The following PCDHA1 variants were observed in gnomAD, a reference collection of about 807,000 sequenced individuals.
PCDHA1 encodes the protein protocadherin alpha-1.
PCDHA1 carries 42 observed loss-of-function variants against 61.3 expected under a neutral mutation model. The observed-to-expected ratio is 0.69, with a 90% CI of 0.54 to 0.89. The LOEUF is 0.89. Ranked by LOEUF, PCDHA1 falls within the 40% of genes least tolerant of loss-of-function variation. The pLI, the probability that PCDHA1 is intolerant of heterozygous loss-of-function variation, is 0.00. For missense variants in PCDHA1, 1,256 were observed against 1,235.3 expected (o/e 1.02, Z -0.25); for synonymous variants, 610 against 553.8 (o/e 1.10, Z -1.43).
At chr5:140,967,166 G>T (rs563863114) in intron 1 of PCDHA1, 1 of 1,611,394 alleles carries the variant, frequency 6.2e-7, no homozygotes, top group South Asian at 1.1e-5. Context: ...GGTGAGCGCC[G>T]TTGAGGTGGA....
chr5:140,845,916 T>G (rs1288140729), intron 1 of PCDHA1, among the ~76,000 whole-genome samples: 2 of 149,722 alleles, frequency 1.3e-5, no homozygotes, highest in African/African-American at 4.9e-5. Context: ...ATTAATCTTA[T>G]TTTTGTGTAA....
chr5:140,841,831 C>G (rs2150323800), intron 1 of PCDHA1: 1 of 1,613,930 alleles, frequency 6.2e-7, no homozygotes, highest in East Asian at 2.2e-5. Context: ...TGTTAACCTA[C>G]AGGCTTAGCT....
intron 1 of PCDHA1, among the ~76,000 whole-genome samples, chr5:140,888,767 T>G (rs927723567): frequency 6.6e-6 from 1 of 152,048 alleles, no homozygotes; most frequent in Non-Finnish European, 1.5e-5. Flanking sequence ...TTTTTTTTAA[T>G]TTTGAAGGGA....
rs578208339 is a variant in PCDHA1 at position 141,001,194 on chromosome 5, C to G, written c.2543-8433C>G. Among the ~76,000 whole-genome samples the G allele has an allele frequency of 1.1e-4, 17 of 152,218 alleles. 1 individual carries two copies. In the South Asian group the frequency reaches 3.3e-3, roughly 30 times the overall value. On this transcript the variant is annotated intron_variant, in intron 3 of 3. Coordinates refer to ENST00000504120, the MANE Select transcript of PCDHA1 (RefSeq NM_018900.4). ...ACGAGTTTTTACTTTGCACCATGCA[C>G]TTATGCTATGTGCTGTATAAGGATA...
chr5:140,843,106 C>G lies in PCDHA1; in HGVS notation c.2394+54422C>G, dbSNP rs1265467066. The G allele has an allele frequency of 1.2e-5, 19 of 1,595,592 alleles. 3 individuals are homozygous for G. The highest frequency in any genetic ancestry group is 1.6e-5 in the Non-Finnish European group (19 of 1,165,474). ...CGGGCCACGTGGTAGCGAAGGTGCG[C>G]GCAGTGGACGCCGACTCGGGCTACA... is the stretch of plus-strand genomic sequence containing the variant. On this transcript the variant is annotated intron_variant, in intron 1 of 3. Transcript: ENST00000504120.
At chr5:140,915,861 G>A (rs2077339820) in intron 1 of PCDHA1, among the ~76,000 whole-genome samples, 1 of 152,182 alleles carries the variant, frequency 6.6e-6, no homozygotes, top group African/African-American at 2.4e-5. Flanking sequence ...AGCCAAGTTT[G>A]CATCCTTCCC....
At chr5:140,923,660 G>T (rs1442227445) in intron 1 of PCDHA1, among the ~76,000 whole-genome samples, 1 of 152,148 alleles carries the variant, frequency 6.6e-6, no homozygotes, top group South Asian at 2.1e-4. Context: ...TTATCTTTGG[G>T]ATATCGTTCT....
chr5:140,945,275 A>G (rs1205952276), intron 1 of PCDHA1, among the ~76,000 whole-genome samples: 2 of 152,186 alleles, frequency 1.3e-5, no homozygotes, highest in Non-Finnish European at 2.9e-5. Context: ...TGAAAACTTT[A>G]AAACATTGAT....
intron 1 of PCDHA1, chr5:140,828,044 C>A (rs2150150318): frequency 6.5e-7 from 1 of 1,542,076 alleles, no homozygotes; most frequent in Admixed American, 2.1e-5. Flanking sequence ...AGTATTTTAT[C>A]TTTATGCGGA....
At chr5:141,008,426 C>T (rs2098375902) in intron 3 of PCDHA1, among the ~76,000 whole-genome samples, 1 of 152,170 alleles carries the variant, frequency 6.6e-6, no homozygotes, top group Non-Finnish European at 1.5e-5. Flanking sequence ...ACTGGGATCA[C>T]TTTGCCCAGA....
At chr5:141,007,660 T>C (rs1392469115) in intron 3 of PCDHA1, among the ~76,000 whole-genome samples, 2 of 152,074 alleles carry the variant, frequency 1.3e-5, no homozygotes, top group Admixed American at 6.5e-5. Flanking sequence ...AAACCATAAA[T>C]TTACAAAGAC....
At chr5:140,904,303 G>A (rs1176685220) in intron 1 of PCDHA1, among the ~76,000 whole-genome samples, 3 of 151,902 alleles carry the variant, frequency 2.0e-5, no homozygotes, top group African/African-American at 7.3e-5. Flanking sequence ...CCATTCCTGA[G>A]TTTCTTCACT....
intron 3 of PCDHA1, among the ~76,000 whole-genome samples, chr5:141,000,180 T>G (rs2153962126): frequency 6.6e-6 from 1 of 151,688 alleles, no homozygotes; most frequent in South Asian, 2.1e-4. Flanking sequence ...AGCCAAGGAG[T>G]CAATGTGAGA....
chr5:140,866,490 C>T (rs1197584665), intron 1 of PCDHA1: 2 of 152,070 alleles, frequency 1.3e-5, no homozygotes, highest in Admixed American at 1.3e-4. Flanking sequence ...TGATTTGTGA[C>T]CAAATAACTG....
intron 3 of PCDHA1, among the ~76,000 whole-genome samples, chr5:140,991,449 A>G (rs1405447405): frequency 6.6e-6 from 1 of 152,206 alleles, no homozygotes; most frequent in East Asian, 1.9e-4. Flanking sequence ...GCTTAAAACA[A>G]CACAATGTAT....
chr5:140,829,694 G>A (rs1262192253), intron 1 of PCDHA1: 1 of 1,613,324 alleles, frequency 6.2e-7, no homozygotes, highest in Non-Finnish European at 8.5e-7. Flanking sequence ...GCAGTTTCAG[G>A]TGAGCGCGCG....
Position 140,925,082 on chromosome 5 carries a change from A to AAAGGAAGG in PCDHA1, c.2395-53849_2395-53842dup, listed in dbSNP as rs138596875. 2.5e-3 allele frequency among the ~76,000 whole-genome samples: 363 copies of AAAGGAAGG among 147,386 alleles called. 3 individuals carry two copies. The highest frequency in any genetic ancestry group is 8.0e-3 in the African/African-American group (310 of 38,948). ...GCAACAAAGCAACACGCTCATCTGG[A>AAAGGAAGG]AAGGAAGGAAGGAAGGAAGGAAGGA... On this transcript the variant is annotated intron_variant, in intron 1 of 3. Transcript: ENST00000504120.
At chr5:140,812,204 C>T (rs1765061250) in intron 1 of PCDHA1, 1 of 151,604 alleles carries the variant, frequency 6.6e-6, no homozygotes, top group South Asian at 2.1e-4. Flanking sequence ...TTACTAGTTA[C>T]AGCTTTGTTT....
At chr5:140,857,430 T>A in intron 1 of PCDHA1, 2 of 1,598,338 alleles carry the variant, frequency 1.3e-6, no homozygotes, top group African/African-American at 2.7e-5. Context: ...GAGTACACGG[T>A]GTTCGTGAAG....
Sources: allele counts gnomAD v4.1 joint callset (sites outside exome capture counted in the v4.1 genomes callset), GRCh38; gene constraint gnomAD v4.1.1; transcripts MANE v1.5; gene names NCBI Gene and HGNC (gene_info 2026-07-23, HGNC 2026-07-21).